ITGA9: variants seen among roughly 807,000 people sequenced by gnomAD.
ITGA9 encodes the protein integrin alpha-9.
Under a neutral mutation model 127.8 loss-of-function variants are expected in ITGA9, and 56 were observed. That is an observed-to-expected ratio of 0.44 (90% CI 0.35 to 0.55). The LOEUF (loss-of-function observed/expected upper bound fraction) is 0.55. Ranked by LOEUF, ITGA9 falls within the 20% of genes least tolerant of loss-of-function variation. The probability of loss-of-function intolerance (pLI) is 0.00; values close to 1 mark genes in which losing one functional copy is unlikely to be tolerated. For synonymous variants in ITGA9, 508 were observed against 514.5 expected (o/e 0.99, Z 0.17); for missense variants, 1,196 against 1,347.1 (o/e 0.89, Z 1.76).
intron 23 of ITGA9, among the ~76,000 whole-genome samples, chr3:37,772,926 G>A (rs1696861368): frequency 1.3e-5 from 2 of 152,146 alleles, no homozygotes; most frequent in African/African-American, 4.8e-5. Flanking sequence ...CCTGTTCACA[G>A]GCCACCCCAG....
At chr3:37,710,975 AT>A (rs1701073433) in intron 18 of ITGA9, among the ~76,000 whole-genome samples, 1 of 152,222 alleles carries the variant, frequency 6.6e-6, no homozygotes, top group African/African-American at 2.4e-5. Context: ...TTAAAACAAC[AT>A]TGATTAGCCC....
chr3:37,750,414 G>T (rs767879260), intron 22 of ITGA9, 48 bp from the exon 23 acceptor site: 1 of 1,046,792 alleles, frequency 9.6e-7, no homozygotes, highest in South Asian at 1.3e-5. Flanking sequence ...GGAAATGGAG[G>T]TCTGCTATTT....
At chr3:37,800,315 T>A (rs1245756373) in intron 26 of ITGA9, among the ~76,000 whole-genome samples, 1 of 152,176 alleles carries the variant, frequency 6.6e-6, no homozygotes, top group African/African-American at 2.4e-5. Flanking sequence ...AACAATAAGG[T>A]TTAGCAGACT....
chr3:37,669,825 T>C lies in ITGA9; in HGVS notation c.1917-14040T>C, dbSNP rs539536204. 1.4e-4 allele frequency among the ~76,000 whole-genome samples: 22 copies of C among 152,316 alleles called. No homozygotes were observed. In the East Asian group the frequency reaches 3.3e-3, roughly 23 times the overall value. On this transcript the variant is annotated intron_variant, in intron 17 of 27. Coordinates refer to ENST00000264741, the MANE Select transcript of ITGA9 (RefSeq NM_002207.3). Reference sequence around the variant, plus strand: ...ACCTCTTCCACTGAGGCTTTGTTTTTAAAGAGGACTTTCCAGACCCAAGGG... The same window carrying C: ...ACCTCTTCCACTGAGGCTTTGTTTTCAAAGAGGACTTTCCAGACCCAAGGG...
intron 6 of ITGA9, among the ~76,000 whole-genome samples, chr3:37,504,736 C>T (rs568959662): frequency 2.6e-5 from 4 of 152,168 alleles, no homozygotes; most frequent in Non-Finnish European, 4.4e-5. Flanking sequence ...TATCAAGGAT[C>T]CGTTCAGGCT....
intron 16 of ITGA9, among the ~76,000 whole-genome samples, chr3:37,643,139 G>A (rs2125642412): frequency 6.6e-6 from 1 of 152,294 alleles, no homozygotes; most frequent in East Asian, 1.9e-4. Flanking sequence ...TTGGAGTCAG[G>A]GCAGCAGTTT....
At chr3:37,741,095 G>A (rs1437473121) in intron 20 of ITGA9, among the ~76,000 whole-genome samples, 2 of 152,104 alleles carry the variant, frequency 1.3e-5, no homozygotes, top group African/African-American at 4.8e-5. Flanking sequence ...CGTGGAACAG[G>A]CACTTACACA....
intron 15 of ITGA9, among the ~76,000 whole-genome samples, chr3:37,601,322 T>A (rs971983840): frequency 2.6e-5 from 4 of 152,086 alleles, no homozygotes; most frequent in African/African-American, 9.7e-5. Flanking sequence ...GGGTGCAATG[T>A]GAACAGAAAC....
intron 15 of ITGA9, among the ~76,000 whole-genome samples, chr3:37,620,300 C>T (rs139928729): frequency 2.1e-4 from 32 of 152,302 alleles, no homozygotes; most frequent in African/African-American, 5.1e-4. Flanking sequence ...ATGCATGTAG[C>T]GGCTAGGGCA....
chr3:37,706,610 G>A (rs1469456195), intron 18 of ITGA9, among the ~76,000 whole-genome samples: 1 of 152,176 alleles, frequency 6.6e-6, no homozygotes, highest in African/African-American at 2.4e-5. Context: ...ATCCCAGGTT[G>A]TTAAGGGCCA....
rs1699773822 is a variant in ITGA9, at chr3:37,587,902, G to T, written c.1690-41285G>T. ...TATTTTATGTTAAACGGACTCTCCT[G>T]CCCGGACCCAGGCCCACGTTAGCAT... On this transcript the variant is annotated intron_variant, in intron 15 of 27. Coordinates refer to ENST00000264741, the MANE Select transcript of ITGA9 (RefSeq NM_002207.3). 3.9e-5 allele frequency among the ~76,000 whole-genome samples: 6 copies of T among 152,178 alleles called. No homozygotes were observed. The South Asian group carries it at 1.0e-3, about 26-fold the overall frequency.
intron 26 of ITGA9, chr3:37,790,803 A>G (rs1697099980): frequency 1.3e-5 from 2 of 152,888 alleles, no homozygotes; most frequent in African/African-American, 4.8e-5. Context: ...CGAGGTGCCA[A>G]TTACATGTTG....
chr3:37,457,133 CG>C (rs2125545577), intron 1 of ITGA9, among the ~76,000 whole-genome samples: 1 of 152,270 alleles, frequency 6.6e-6, no homozygotes, highest in Admixed American at 6.5e-5. Context: ...AAAACCGAAA[CG>C]GGTGCTTACA....
At chr3:37,640,945 C>T (rs376451039) in intron 16 of ITGA9, among the ~76,000 whole-genome samples, 8 of 152,170 alleles carry the variant, frequency 5.3e-5, no homozygotes, top group African/African-American at 1.4e-4. Context: ...CCTGGGAAGC[C>T]GGCTTCCTGG....
intron 15 of ITGA9, among the ~76,000 whole-genome samples, chr3:37,549,578 C>T (rs1311545063): frequency 6.6e-6 from 1 of 152,170 alleles, no homozygotes; most frequent in Non-Finnish European, 1.5e-5. Flanking sequence ...GCCCTTTTAA[C>T]ACTGGTATTC....
At chr3:37,777,344 A>G (rs771541289) in intron 23 of ITGA9, 48 bp from the exon 24 acceptor site, 1 of 1,610,554 alleles carries the variant, frequency 6.2e-7, no homozygotes, top group Non-Finnish European at 8.5e-7. Flanking sequence ...CAGCATCATG[A>G]TTCATTCTTG....
At chr3:37,549,655 TA>T (rs1699360998) in intron 15 of ITGA9, among the ~76,000 whole-genome samples, 2 of 152,242 alleles carry the variant, frequency 1.3e-5, no homozygotes, top group Admixed American at 1.3e-4. Context: ...GATGTGATTA[TA>T]AAGATCCCTT....
chr3:37,675,327 G>C (rs146368385), intron 17 of ITGA9, among the ~76,000 whole-genome samples: 1,988 of 152,306 alleles, frequency 0.013, 20 homozygotes, highest in Non-Finnish European at 0.017. Context: ...TTAAGTTCCA[G>C]GTGCTCAGGG....
chr3:37,703,012 C>T (rs1381597937), intron 18 of ITGA9, among the ~76,000 whole-genome samples: 2 of 152,090 alleles, frequency 1.3e-5, no homozygotes. Flanking sequence ...AAATAGAGAT[C>T]CTGCTGCTGC....
Sources: allele counts gnomAD v4.1 joint callset (sites outside exome capture counted in the v4.1 genomes callset), GRCh38; gene constraint gnomAD v4.1.1; transcripts MANE v1.5; gene names NCBI Gene and HGNC (gene_info 2026-07-23, HGNC 2026-07-21).